Variants in DNAH7 observed in about 807,000 individuals in gnomAD.
DNAH7 encodes axonemal beta dynein heavy chain 7.
In DNAH7, 397 loss-of-function variants were observed where a neutral mutation model predicts 444.6. The observed-to-expected ratio is 0.89, with a 90% CI of 0.82 to 0.97. The LOEUF (loss-of-function observed/expected upper bound fraction) is 0.97. Among genes scored for constraint, DNAH7 ranks in the 50% least tolerant of loss-of-function variants. The pLI is 0.00. For missense variants in DNAH7, 4,902 were observed against 4,800.8 expected (o/e 1.02, Z -0.62); for synonymous variants, 1,636 against 1,624.4 (o/e 1.01, Z -0.17).
At chr2:196,061,866 T>C (rs1698154808) in intron 1 of DNAH7, among the ~76,000 whole-genome samples, 1 of 152,340 alleles carries the variant, frequency 6.6e-6, no homozygotes, top group South Asian at 2.1e-4. Flanking sequence ...AAAAAATCTG[T>C]TTTATTTTTT....
chr2:196,020,562 A>G (rs118174349), intron 8 of DNAH7, among the ~76,000 whole-genome samples: 1 of 151,058 alleles, frequency 6.6e-6, no homozygotes, highest in Non-Finnish European at 1.5e-5. Context: ...AAATGGGTAC[A>G]TAACTTTTTT....
At chr2:195,917,055 T>C (rs551075781) in intron 24 of DNAH7, among the ~76,000 whole-genome samples, 11 of 145,656 alleles carry the variant, frequency 7.6e-5, no homozygotes, top group Non-Finnish European at 1.3e-4. Flanking sequence ...TGAGCCGAGA[T>C]TGTGCCACGG....
At chr2:196,054,416 G>C (rs967001528) in intron 2 of DNAH7, among the ~76,000 whole-genome samples, 1 of 152,110 alleles carries the variant, frequency 6.6e-6, no homozygotes, top group African/African-American at 2.4e-5. Flanking sequence ...CGGTTACTCA[G>C]GAGGCTGAGG....
rs1699779895 is a variant in DNAH7 at position 195,857,501 on chromosome 2, A to G, written c.8290T>C (p.Tyr2764His). The G allele has an allele frequency of 6.2e-7, 1 of 1,613,686 alleles. No individual in the cohort carries two copies. The highest frequency in any genetic ancestry group is 8.5e-7 in the Non-Finnish European group (1 of 1,179,896). The change falls in exon 44 of 65, where the codon TAT becomes CAT. Residue 2764 changes from tyrosine (Y) to histidine (H), a missense_variant. Transcript: ENST00000312428. Reference sequence around the variant, plus strand: ...TAATTTTTTCTTATGATATTCATATAAGCTGGAGGAATATTGTCCTTGTCA... The same window carrying G: ...TAATTTTTTCTTATGATATTCATATGAGCTGGAGGAATATTGTCCTTGTCA... Reference protein sequence around the residue: ...EYDKDNIPPAYMNIIRKNYIP... With the variant: ...EYDKDNIPPAHMNIIRKNYIP...
intron 63 of DNAH7, among the ~76,000 whole-genome samples, chr2:195,745,307 AAAG>A (rs1455269324): frequency 6.6e-6 from 1 of 152,204 alleles, no homozygotes; most frequent in South Asian, 2.1e-4. Flanking sequence ...TTTAGAGAAA[AAAG>A]AATAAAAAGA....
intron 3 of DNAH7, among the ~76,000 whole-genome samples, chr2:196,050,584 G>A (rs1256712095): frequency 6.6e-6 from 1 of 152,090 alleles, no homozygotes; most frequent in Non-Finnish European, 1.5e-5. Flanking sequence ...TCACAAGACT[G>A]TAACTTGGTG....
Position 195,987,123 on chromosome 2 carries a change from A to G in DNAH7, c.1697T>C (p.Ile566Thr), listed in dbSNP as rs756429312. ...LIRALVKRADIICGKLLAKMF... is the reference protein window; with the variant it reads ...LIRALVKRADTICGKLLAKMF... ...TTTAGCTAGAAGTTTCCCACAAATAATATCTGCTCGCTTCACCAAAGCTCT... is the reference window on the plus strand; with the variant it reads ...TTTAGCTAGAAGTTTCCCACAAATAGTATCTGCTCGCTTCACCAAAGCTCT... Residue 566 changes from isoleucine (I) to threonine (T), a missense_variant, in exon 14 of 65, where the codon ATT becomes ACT. Physicochemically the swap from Ile to Thr is moderately conservative, Grantham distance 89. Coordinates refer to ENST00000312428, the MANE Select transcript of DNAH7 (RefSeq NM_018897.3). The G allele has an allele frequency of 8.1e-6, 13 of 1,609,102 alleles. No homozygotes were observed. Among genetic ancestry groups the G allele is most frequent in the Non-Finnish European group, 1.1e-5 (13 of 1,178,300 alleles).
At chr2:195,975,106 C>A (rs1013877650) in intron 15 of DNAH7, among the ~76,000 whole-genome samples, 1 of 152,172 alleles carries the variant, frequency 6.6e-6, no homozygotes, top group Non-Finnish European at 1.5e-5. Flanking sequence ...ACTTTAACAA[C>A]CATCTAAACC....
At chr2:196,016,008 T>C (rs1297354043) in intron 9 of DNAH7, among the ~76,000 whole-genome samples, 1 of 152,242 alleles carries the variant, frequency 6.6e-6, no homozygotes, top group Non-Finnish European at 1.5e-5. Flanking sequence ...TTTGCTTCAG[T>C]TGCTGCTAAC....
At chr2:195,927,520 TAAA>T (rs1559233392) in intron 21 of DNAH7, among the ~76,000 whole-genome samples, 14 of 151,406 alleles carry the variant, frequency 9.2e-5, no homozygotes, top group East Asian at 5.8e-4. Context: ...AATAAATAAA[TAAA>T]TAAATTAATT....
At chr2:195,864,066 G>A in intron 41 of DNAH7, 83 bp downstream of exon 41, 1 of 1,405,690 alleles carries the variant, frequency 7.1e-7, no homozygotes. Flanking sequence ...GTAAACTACA[G>A]GTTGGGAATC....
chr2:195,962,383 C>T (rs1052461352), intron 17 of DNAH7, among the ~76,000 whole-genome samples: 23 of 152,316 alleles, frequency 1.5e-4, no homozygotes, highest in African/African-American at 5.5e-4. Context: ...GACAGTCTTG[C>T]TCTGTCACCC....
chr2:195,937,829 A>C (rs1689156552), intron 19 of DNAH7, among the ~76,000 whole-genome samples: 1 of 152,180 alleles, frequency 6.6e-6, no homozygotes, highest in Admixed American at 6.6e-5. Flanking sequence ...GTGTTGAAAA[A>C]ACAAAAAAGG....
At chr2:195,960,172 T>C in intron 18 of DNAH7, 88 bp downstream of exon 18, 7 of 1,054,008 alleles carry the variant, frequency 6.6e-6, no homozygotes, top group Non-Finnish European at 9.5e-6. Flanking sequence ...AAATATTATG[T>C]GTGAAATAAT....
At chr2:195,883,454 C>G (rs1044295259) in intron 35 of DNAH7, among the ~76,000 whole-genome samples, 7 of 144,678 alleles carry the variant, frequency 4.8e-5, no homozygotes, top group African/African-American at 8.3e-5. Context: ...TCCCCGCTCC[C>G]CCCCCCCAAA....
intron 24 of DNAH7, among the ~76,000 whole-genome samples, chr2:195,913,842 A>G (rs1267211222): frequency 6.6e-6 from 1 of 152,188 alleles, no homozygotes; most frequent in Non-Finnish European, 1.5e-5. Context: ...CAGCCTCCCA[A>G]GTAGCTGGGA....
At chr2:195,910,257 CAAG>C (rs1687279622) in intron 24 of DNAH7, 62 bp from the exon 25 acceptor site, 3 of 1,370,730 alleles carry the variant, frequency 2.2e-6, no homozygotes, top group Admixed American at 2.9e-5. Flanking sequence ...ATTCACATGC[CAAG>C]AAGAGAAAAA....
chr2:195,964,066 T>C (rs112884744), intron 17 of DNAH7, among the ~76,000 whole-genome samples: 149 of 152,346 alleles, frequency 9.8e-4, no homozygotes, highest in African/African-American at 3.4e-3. Context: ...TTGTTCTTTT[T>C]GTTCAAGATA....
At position 195,816,902 on chromosome 2, in the gene DNAH7, A is replaced by C; in HGVS notation, c.9487T>G (p.Leu3163Val). The part of the protein sequence containing the change: ...EVLSSSEGNI[L>V]EDETAIKILS... ...ATCTTAATAGCAGTTTCATCTTCTA[A>C]TATATTGCCTTCCGAAGATGAAAGA... Residue 3163 changes from leucine (L) to valine (V), a missense_variant, in exon 51 of 65, where the codon TTA becomes GTA. Leu to Val is a conservative substitution (Grantham distance 32). Coordinates refer to ENST00000312428, the MANE Select transcript of DNAH7 (RefSeq NM_018897.3). 6.2e-7 allele frequency: 1 copy of C among 1,613,460 alleles called. No individual in the cohort carries two copies. The highest frequency in any genetic ancestry group is 8.5e-7 in the Non-Finnish European group (1 of 1,179,734).
Sources: gnomAD v4.1 joint callset for allele counts (sites outside exome capture counted in the v4.1 genomes callset) on GRCh38, gnomAD v4.1.1 for gene constraint, MANE v1.5 for transcripts, NCBI Gene and HGNC (gene_info 2026-07-23, HGNC 2026-07-21) for gene names.